Variants in ATG7 observed in about 807,000 individuals in gnomAD.
ATG7 encodes autophagy related 7, also known as ubiquitin-like modifier-activating enzyme ATG7.
ATG7 carries 70 observed loss-of-function variants against 82.4 expected under a neutral mutation model. The ratio of observed to expected loss-of-function variants is 0.85; its 90% CI spans 0.70 to 1.04. ATG7 has a LOEUF of 1.04. Among genes scored for constraint, ATG7 ranks in the 50% least tolerant of loss-of-function variants. The pLI is 0.00. For synonymous variants in ATG7, 287 were observed against 313.0 expected (o/e 0.92, Z 0.88); for missense variants, 792 against 864.3 (o/e 0.92, Z 1.05).
chr3:11,377,359 G>A (rs1442654897), intron 18 of ATG7, among the ~76,000 whole-genome samples: 2 of 152,066 alleles, frequency 1.3e-5, no homozygotes, highest in Non-Finnish European at 2.9e-5. Context: ...AACTGTCTGG[G>A]CCTGCTGAAC....
chr3:11,298,206 A>G (rs934109415), intron 3 of ATG7, among the ~76,000 whole-genome samples: 2 of 152,102 alleles, frequency 1.3e-5, no homozygotes, highest in Non-Finnish European at 2.9e-5. Flanking sequence ...CTGTGTCATG[A>G]GGAGAATCAG....
chr3:11,486,831 T>G (rs1296272925), intron 20 of ATG7, among the ~76,000 whole-genome samples: 9 of 142,874 alleles, frequency 6.3e-5, no homozygotes, highest in East Asian at 2.1e-4. Flanking sequence ...TTTTTTTTTT[T>G]TTTTTTTTTA....
At chr3:11,387,117 C>T (rs889823561) in intron 19 of ATG7, among the ~76,000 whole-genome samples, 16 of 152,278 alleles carry the variant, frequency 1.1e-4, no homozygotes, top group African/African-American at 2.9e-4. Context: ...AAACAAAGAC[C>T]CCTGTGATTG....
At chr3:11,568,879 GC>G in the ATG7 span, 1 of 1,344,060 alleles carries the variant, frequency 7.4e-7, no homozygotes, top group African/African-American at 1.5e-5. The surrounding 1 kb of genome is among the most constrained non-coding windows in gnomAD (Gnocchi z 5.9). Context: ...AGGCTGCACG[GC>G]ACCCGGCCCC....
At chr3:11,363,744 G>T (rs981650754) in intron 17 of ATG7, among the ~76,000 whole-genome samples, 3 of 152,142 alleles carry the variant, frequency 2.0e-5, no homozygotes, top group African/African-American at 4.8e-5. Flanking sequence ...TTGCAATACA[G>T]GCAGCAGAAA....
intron 20 of ATG7, among the ~76,000 whole-genome samples, chr3:11,480,754 C>G (rs7637414): frequency 0.52 from 79,021 of 152,042 alleles, 21,477 homozygotes; most frequent in East Asian, 0.67. Context: ...CAATTCACTG[C>G]CAAGTCACAC....
intron 1 of ATG7, among the ~76,000 whole-genome samples, chr3:11,279,456 C>T (rs933380972): frequency 3.3e-5 from 5 of 152,204 alleles, no homozygotes; most frequent in South Asian, 2.1e-4. Flanking sequence ...GAGGCCGAGG[C>T]GGGTGGATCA....
intron 13 of ATG7, among the ~76,000 whole-genome samples, chr3:11,347,097 AG>A (rs1323580243): frequency 1.3e-5 from 2 of 152,232 alleles, no homozygotes; most frequent in Non-Finnish European, 2.9e-5. Flanking sequence ...CCCAAGAAGT[AG>A]GCAACTTCAT....
chr3:11,471,712 G>T (rs2087539716), intron 20 of ATG7, among the ~76,000 whole-genome samples: 1 of 134,414 alleles, frequency 7.4e-6, no homozygotes. Context: ...TTAGAACTCA[G>T]AAAAGTACTT....
chr3:11,287,514 C>T (rs1444140234), intron 3 of ATG7, among the ~76,000 whole-genome samples: 1 of 152,124 alleles, frequency 6.6e-6, no homozygotes, highest in African/African-American at 2.4e-5. Context: ...CTAGAAAAGT[C>T]GGAAGGCAGC....
intron 5 of ATG7, among the ~76,000 whole-genome samples, chr3:11,301,595 C>T (rs1946800031): frequency 6.6e-6 from 1 of 152,142 alleles, no homozygotes; most frequent in Non-Finnish European, 1.5e-5. Flanking sequence ...CCCTTTGGAG[C>T]TTTCTTGCTC....
intron 19 of ATG7, among the ~76,000 whole-genome samples, chr3:11,410,076 A>G (rs1423026395): frequency 6.6e-6 from 1 of 151,652 alleles, no homozygotes; most frequent in East Asian, 1.9e-4. Flanking sequence ...AAAACTTTAC[A>G]ATCAGCTTGT....
chr3:11,476,750 A>G (rs999451932), intron 20 of ATG7, among the ~76,000 whole-genome samples: 1 of 152,228 alleles, frequency 6.6e-6, no homozygotes, highest in Non-Finnish European at 1.5e-5. Context: ...TTCCAAAGCA[A>G]ATGGTTACAA....
chr3:11,470,650 A>G lies in ATG7; in HGVS notation c.2079+43724A>G, dbSNP rs527675470. On this transcript the variant is annotated intron_variant, in intron 20 of 20. Coordinates refer to ENST00000693202, the MANE Select transcript of ATG7 (RefSeq NM_001349232.2). ...TCCCATTTTACAGATGGGGAAGTTGAGGCTCAGAGGTGTGTCAGTGAACAG... is the reference window on the plus strand; with the variant it reads ...TCCCATTTTACAGATGGGGAAGTTGGGGCTCAGAGGTGTGTCAGTGAACAG... Among the ~76,000 whole-genome samples, 5 of 152,276 alleles carry G rather than the reference A, an allele frequency of 3.3e-5. No individual in the cohort carries two copies. The East Asian group carries it at 9.7e-4, about 29-fold the overall frequency.
intron 20 of ATG7, chr3:11,510,167 A>G (rs1279905903): frequency 2.2e-6 from 1 of 455,242 alleles, no homozygotes; most frequent in Non-Finnish European, 4.4e-6. Flanking sequence ...GAAATCATAT[A>G]TCTTTACCCC....
chr3:11,520,870 C>G (rs1282685516), intron 20 of ATG7, among the ~76,000 whole-genome samples: 1 of 152,174 alleles, frequency 6.6e-6, no homozygotes, highest in Non-Finnish European at 1.5e-5. Context: ...AGCATTCTTC[C>G]CTGAGAAGTA....
intron 20 of ATG7, among the ~76,000 whole-genome samples, chr3:11,431,389 G>C (rs530415502): frequency 6.6e-6 from 1 of 152,066 alleles, no homozygotes; most frequent in Non-Finnish European, 1.5e-5. Context: ...AGGGCGGGGG[G>C]AAAAAAACAA....
At chr3:11,495,381 G>T (rs1472838312) in intron 20 of ATG7, among the ~76,000 whole-genome samples, 1 of 152,112 alleles carries the variant, frequency 6.6e-6, no homozygotes, top group Non-Finnish European at 1.5e-5. Flanking sequence ...CTCATCCTGA[G>T]GAGAGATGAG....
chr3:11,513,769 C>CGAGGGCTGT (rs1353726614), intron 20 of ATG7, among the ~76,000 whole-genome samples: 2 of 152,202 alleles, frequency 1.3e-5, no homozygotes, highest in Non-Finnish European at 2.9e-5. Flanking sequence ...TGAGAGTGAG[C>CGAGGGCTGT]GAGGGCTGCG....
Sources: allele counts gnomAD v4.1 joint callset (sites outside exome capture counted in the v4.1 genomes callset), GRCh38; gene constraint gnomAD v4.1.1; non-coding constraint Gnocchi (gnomAD v3.1); transcripts MANE v1.5; gene names NCBI Gene and HGNC (gene_info 2026-07-23, HGNC 2026-07-21).